The following LRRC4C variants were observed in gnomAD, a reference collection of about 807,000 sequenced individuals.
The protein encoded by LRRC4C is leucine rich repeat containing 4C.
LRRC4C carries 5 observed loss-of-function variants against 33.6 expected under a neutral mutation model. The observed-to-expected ratio is 0.15, with a 90% CI of 0.08 to 0.31. The LOEUF (loss-of-function observed/expected upper bound fraction) is 0.31, where lower values mean the gene tolerates loss of function less well. Ranked by LOEUF, LRRC4C falls within the 10% of genes least tolerant of loss-of-function variation. The probability of loss-of-function intolerance (pLI) is 1.00; values close to 1 mark genes in which losing one functional copy is unlikely to be tolerated. For missense variants in LRRC4C, 560 were observed against 796.7 expected, an observed-to-expected ratio of 0.70 and a Z score of 3.58; for synonymous variants, 329 against 302.0, an observed-to-expected ratio of 1.09 and a Z score of -0.93.
At chr11:41,355,375 T>TA (rs1052361492) in intron 1 of LRRC4C, among the ~76,000 whole-genome samples, 1 of 152,052 alleles carries the variant, frequency 6.6e-6, no homozygotes, top group African/African-American at 2.4e-5. Context: ...GAAACAAACC[T>TA]AAAAAATGTG....
chr11:41,124,693 A>T (rs996576328), intron 1 of LRRC4C, among the ~76,000 whole-genome samples: 5 of 152,288 alleles, frequency 3.3e-5, no homozygotes, highest in Middle Eastern at 3.4e-3. Flanking sequence ...TGTCATTTCT[A>T]CGTTAAAAAA....
At chr11:41,436,019 T>C (rs1286161227) in intron 1 of LRRC4C, among the ~76,000 whole-genome samples, 1 of 152,030 alleles carries the variant, frequency 6.6e-6, no homozygotes, top group Non-Finnish European at 1.5e-5. Flanking sequence ...GCCTGGCCAA[T>C]ATGGTGAAAC....
At chr11:40,392,278 AAC>A (rs1442093220) in intron 3 of LRRC4C, among the ~76,000 whole-genome samples, 1 of 152,184 alleles carries the variant, frequency 6.6e-6, no homozygotes, top group Non-Finnish European at 1.5e-5. Context: ...TATAATATAC[AAC>A]ACAGAGTCAG....
At chr11:41,270,761 G>A (rs1473758891) in intron 1 of LRRC4C, among the ~76,000 whole-genome samples, 2 of 152,154 alleles carry the variant, frequency 1.3e-5, no homozygotes, top group African/African-American at 4.8e-5. Flanking sequence ...GTCTGCCATA[G>A]CAAATGACTA....
chr11:41,040,287 G>A (rs1857352960), intron 1 of LRRC4C, among the ~76,000 whole-genome samples: 1 of 151,744 alleles, frequency 6.6e-6, no homozygotes, highest in Non-Finnish European at 1.5e-5. Context: ...CTAGGAAATG[G>A]TTCTGCCAAA....
chr11:41,381,639 A>AG (rs397964468), intron 1 of LRRC4C, among the ~76,000 whole-genome samples: 2 of 148,580 alleles, frequency 1.3e-5, no homozygotes, highest in Non-Finnish European at 2.9e-5. Context: ...AAAAAAAAAA[A>AG]GAAAAAAGAA....
chr11:41,409,007 C>T (rs934635178), intron 1 of LRRC4C, among the ~76,000 whole-genome samples: 3 of 152,110 alleles, frequency 2.0e-5, no homozygotes, highest in Non-Finnish European at 2.9e-5. Context: ...TTCAGGTTTC[C>T]GGGTCACTGT....
chr11:40,362,441 C>T (rs918831244), intron 3 of LRRC4C, among the ~76,000 whole-genome samples: 1 of 151,910 alleles, frequency 6.6e-6, no homozygotes, highest in African/African-American at 2.4e-5. Context: ...AAATAATATT[C>T]TGGTGCAGTG....
chr11:40,858,486 G>C (rs1953911819), intron 2 of LRRC4C, among the ~76,000 whole-genome samples: 1 of 151,868 alleles, frequency 6.6e-6, no homozygotes, highest in Admixed American at 6.6e-5. Context: ...CTTGAGGTCA[G>C]GAGTTCAAGA....
chr11:40,233,319 T>A (rs1053525261), intron 5 of LRRC4C, among the ~76,000 whole-genome samples: 1 of 152,214 alleles, frequency 6.6e-6, no homozygotes, highest in Non-Finnish European at 1.5e-5. Flanking sequence ...AATTTATAGT[T>A]ATTTAACTGG....
intron 2 of LRRC4C, among the ~76,000 whole-genome samples, chr11:40,808,061 T>C (rs1951329679): frequency 1.3e-5 from 2 of 152,138 alleles, no homozygotes; most frequent in Admixed American, 1.3e-4. Context: ...ATTTGTAAAA[T>C]GGGAAGAATA....
intron 2 of LRRC4C, among the ~76,000 whole-genome samples, chr11:40,792,231 C>T (rs904984904): frequency 8.6e-5 from 13 of 151,018 alleles, no homozygotes; most frequent in Admixed American, 5.3e-4. Context: ...ATTATGAAAT[C>T]AATAATGACG....
chr11:40,977,705 A>G (rs1223097201), intron 1 of LRRC4C, among the ~76,000 whole-genome samples: 1 of 152,178 alleles, frequency 6.6e-6, no homozygotes, highest in Non-Finnish European at 1.5e-5. Context: ...TTATAGCTTT[A>G]TTTGACTGTC....
At chr11:41,424,986 T>C (rs1379072893) in intron 1 of LRRC4C, among the ~76,000 whole-genome samples, 1 of 152,036 alleles carries the variant, frequency 6.6e-6, no homozygotes, top group Non-Finnish European at 1.5e-5. Context: ...AGAAATAGGA[T>C]TGGTACAGAG....
intron 2 of LRRC4C, among the ~76,000 whole-genome samples, chr11:40,829,190 A>C (rs769347646): frequency 6.6e-5 from 10 of 152,008 alleles, no homozygotes; most frequent in Admixed American, 2.0e-4. Context: ...AATAAGATGA[A>C]GTACAATAAA....
intron 2 of LRRC4C, among the ~76,000 whole-genome samples, chr11:40,713,055 AT>A (rs34787819): frequency 0.33 from 44,631 of 136,840 alleles, 6,841 homozygotes; most frequent in Middle Eastern, 0.41. Flanking sequence ...TGCCTGGCTA[AT>A]TTTTTTTTTT....
At chr11:41,208,334 G>A (rs1946682177) in intron 1 of LRRC4C, among the ~76,000 whole-genome samples, 1 of 152,228 alleles carries the variant, frequency 6.6e-6, no homozygotes, top group Non-Finnish European at 1.5e-5. Flanking sequence ...ATAGTAAAAT[G>A]AGAGCGGAAA....
At chr11:40,777,485 T>G (rs11036073) in intron 2 of LRRC4C, among the ~76,000 whole-genome samples, 1 of 148,664 alleles carries the variant, frequency 6.7e-6, no homozygotes, top group East Asian at 2.0e-4. Flanking sequence ...TACCATTCTT[T>G]GTCCTTTTTT....
intron 3 of LRRC4C, among the ~76,000 whole-genome samples, chr11:40,356,879 T>G (rs1039513100): frequency 6.6e-6 from 1 of 152,172 alleles, no homozygotes; most frequent in African/African-American, 2.4e-5. Flanking sequence ...ATGAATTACT[T>G]TATACATTTA....
Sources: gnomAD v4.1 joint callset for allele counts (sites outside exome capture counted in the v4.1 genomes callset) on GRCh38, gnomAD v4.1.1 for gene constraint, MANE v1.5 for transcripts, NCBI Gene and HGNC (gene_info 2026-07-23, HGNC 2026-07-21) for gene names.